MAPKAP1: variants seen among roughly 807,000 people sequenced by gnomAD.
MAPKAP1 encodes the protein MAPK associated protein 1, also known as target of rapamycin complex 2 subunit MAPKAP1.
In MAPKAP1, 20 loss-of-function variants were observed where a neutral mutation model predicts 65.7. That is an observed-to-expected ratio of 0.30 (90% confidence interval 0.21 to 0.44). MAPKAP1 has a LOEUF of 0.44. MAPKAP1 is among the 20% of genes least tolerant of loss of function. The pLI is 1.00. For synonymous variants in MAPKAP1, 222 were observed against 244.3 expected, an observed-to-expected ratio of 0.91 and a Z score of 0.85; for missense variants, 423 against 648.0, an observed-to-expected ratio of 0.65 and a Z score of 3.77.
chr9:125,500,670 A>T (rs924272245), intron 8 of MAPKAP1, among the ~76,000 whole-genome samples: 3 of 152,124 alleles, frequency 2.0e-5, no homozygotes, highest in Non-Finnish European at 4.4e-5. Context: ...CTGGAAGGGG[A>T]ATTAGGGGAT....
At chr9:125,648,610 GA>G (rs931910531) in intron 4 of MAPKAP1, among the ~76,000 whole-genome samples, 4 of 152,126 alleles carry the variant, frequency 2.6e-5, no homozygotes, top group African/African-American at 9.7e-5. Flanking sequence ...AGTAGTCCTG[GA>G]AATCAAGTTT....
In MAPKAP1 at chr9:125,657,716, G is replaced by T; in HGVS notation, c.433C>A (p.Arg145Ser). The T allele has an allele frequency of 3.1e-6, 5 of 1,613,752 alleles. No homozygotes were observed. Among genetic ancestry groups the T allele is most frequent in the Non-Finnish European group, 4.2e-6 (5 of 1,179,738 alleles). Reference protein sequence around the residue: ...ISGKQSILSVRLEQCPLQLNN... With the variant: ...ISGKQSILSVSLEQCPLQLNN... ...AGCTGCAGAGGGCACTGTTCTAGGC[G>T]TACAGATAATATCGACTGCTTCCCA... The change falls in exon 4 of 12, where the codon CGC becomes AGC. Residue 145 changes from arginine to serine, a missense_variant. Coordinates refer to ENST00000265960, the MANE Select transcript of MAPKAP1 (RefSeq NM_001006617.3).
chr9:125,615,897 G>A (rs1165027682), intron 4 of MAPKAP1, among the ~76,000 whole-genome samples: 1 of 150,172 alleles, frequency 6.7e-6, no homozygotes, highest in African/African-American at 2.5e-5. Flanking sequence ...CTGGGCAACA[G>A]AGTGGGACTC....
At chr9:125,451,562 C>A (rs886316400) in intron 10 of MAPKAP1, among the ~76,000 whole-genome samples, 2 of 152,124 alleles carry the variant, frequency 1.3e-5, no homozygotes, top group South Asian at 2.1e-4. Flanking sequence ...CACATGGCCC[C>A]CAGTGCAGCA....
chr9:125,590,599 G>A (rs1290381036), intron 4 of MAPKAP1, among the ~76,000 whole-genome samples: 1 of 151,754 alleles, frequency 6.6e-6, no homozygotes, highest in East Asian at 1.9e-4. Flanking sequence ...GCAATGAGCT[G>A]AGATGGCGCC....
chr9:125,689,233 A>T (rs570682130), intron 1 of MAPKAP1, among the ~76,000 whole-genome samples: 2 of 150,902 alleles, frequency 1.3e-5, no homozygotes, highest in Non-Finnish European at 3.0e-5. Flanking sequence ...GTCAGGAGAT[A>T]GAGAACATCC....
At chr9:125,567,831 A>G (rs1344576524) in intron 5 of MAPKAP1, 1 of 152,200 alleles carries the variant, frequency 6.6e-6, no homozygotes, top group East Asian at 1.9e-4. Flanking sequence ...TCTGGCAATG[A>G]CAGAAGTGAC....
chr9:125,496,590 C>T (rs533144017), intron 8 of MAPKAP1, among the ~76,000 whole-genome samples: 5 of 152,280 alleles, frequency 3.3e-5, no homozygotes, highest in African/African-American at 9.6e-5. Flanking sequence ...CAGCATGGAA[C>T]CACCAGGGAG....
intron 6 of MAPKAP1, among the ~76,000 whole-genome samples, chr9:125,555,176 T>C (rs1830701925): frequency 6.6e-6 from 1 of 152,264 alleles, no homozygotes; most frequent in African/African-American, 2.4e-5. Flanking sequence ...TGTATTTGCA[T>C]GTATCTAAGT....
intron 7 of MAPKAP1, among the ~76,000 whole-genome samples, chr9:125,527,905 G>A (rs1589259687): frequency 6.6e-6 from 1 of 152,194 alleles, no homozygotes; most frequent in East Asian, 1.9e-4. Flanking sequence ...ATTCTCCAAG[G>A]GAGTTTAATC....
Position 125,576,954 on chromosome 9 carries a change from T to C in MAPKAP1, c.671+8601A>G, listed in dbSNP as rs1160308191. ...CCGGGCCGCCACCCCGTCTGGGAAG[T>C]GAGGAGCGTCTCTGCCTGGCCGCCC... On this transcript the variant is annotated intron_variant, in intron 5 of 11. Coordinates refer to ENST00000265960, the MANE Select transcript of MAPKAP1 (RefSeq NM_001006617.3). Among the ~76,000 whole-genome samples the C allele has an allele frequency of 2.0e-5, 3 of 152,186 alleles. No individual in the cohort carries two copies. In the East Asian group the frequency reaches 5.8e-4, roughly 30 times the overall value.
At chr9:125,557,608 A>T (rs202211140) in intron 6 of MAPKAP1, among the ~76,000 whole-genome samples, 1 of 151,730 alleles carries the variant, frequency 6.6e-6, no homozygotes, top group East Asian at 2.0e-4. Context: ...CAACAGAATA[A>T]AAGGTATATA....
chr9:125,597,321 C>T (rs1434434053), intron 4 of MAPKAP1, among the ~76,000 whole-genome samples: 1 of 149,088 alleles, frequency 6.7e-6, no homozygotes, highest in African/African-American at 2.5e-5. Context: ...TGTCTGTAGT[C>T]CCAGCTACTC....
At chr9:125,686,434 C>T (rs1342721713) in intron 1 of MAPKAP1, among the ~76,000 whole-genome samples, 1 of 152,182 alleles carries the variant, frequency 6.6e-6, no homozygotes, top group Admixed American at 6.5e-5. Context: ...CCTAACTACA[C>T]GGCCTTGGAC....
chr9:125,605,666 G>A lies in MAPKAP1; in HGVS notation c.499-19939C>T, dbSNP rs539170780. ...CATCCCACCCTGCCACCCAGAGGCA[G>A]AGGTGTCAACTTTGCAGGTGCTGCA... On this transcript the variant is annotated intron_variant, in intron 4 of 11. Transcript: ENST00000265960. Among the ~76,000 whole-genome samples, 3 of 152,326 alleles carry A rather than the reference G, an allele frequency of 2.0e-5. No individual in the cohort carries two copies. In the East Asian group the frequency reaches 5.8e-4, roughly 29 times the overall value.
At chr9:125,662,718 TAAAG>T (rs997603431) in intron 3 of MAPKAP1, among the ~76,000 whole-genome samples, 4 of 151,962 alleles carry the variant, frequency 2.6e-5, no homozygotes, top group Admixed American at 6.5e-5. Context: ...TTTTTCTTTA[TAAAG>T]AAATTATTTT....
intron 4 of MAPKAP1, chr9:125,596,300 G>T (rs2131600440): frequency 3.9e-6 from 3 of 760,508 alleles, no homozygotes; most frequent in Non-Finnish European, 7.2e-6. Context: ...ACTTCGGTAG[G>T]AATGACAACT....
At chr9:125,625,256 A>AAAAAAAAAAAAAAAAAAAAATAAAT (rs1833077231) in intron 4 of MAPKAP1, among the ~76,000 whole-genome samples, 1 of 17,322 alleles carries the variant, frequency 5.8e-5, no homozygotes, top group Non-Finnish European at 1.4e-4. Flanking sequence ...ATAAATAAAT[A>AAAAAAAAAAAAAAAAAAAAATAAAT]AAAAAAAAAA....
At chr9:125,571,521 G>A (rs1467952557) in intron 5 of MAPKAP1, among the ~76,000 whole-genome samples, 1 of 152,178 alleles carries the variant, frequency 6.6e-6, no homozygotes, top group Non-Finnish European at 1.5e-5. Context: ...GAATTAACTG[G>A]ACCAATAGCA....
Sources: allele counts gnomAD v4.1 joint callset (sites outside exome capture counted in the v4.1 genomes callset), GRCh38; gene constraint gnomAD v4.1.1; transcripts MANE v1.5; gene names NCBI Gene and HGNC (gene_info 2026-07-23, HGNC 2026-07-21).